PLPPR4: variants seen among roughly 807,000 people sequenced by gnomAD.
PLPPR4 encodes phospholipid phosphatase related 4, also known as phospholipid phosphatase-related protein type 4.
PLPPR4 carries 24 observed loss-of-function variants against 56.6 expected under a neutral mutation model. The ratio of observed to expected loss-of-function variants is 0.42; its 90% CI spans 0.31 to 0.60. The LOEUF (loss-of-function observed/expected upper bound fraction) is 0.60, where lower values mean the gene tolerates loss of function less well. Among genes scored for constraint, PLPPR4 ranks in the 20% least tolerant of loss-of-function variants. The pLI, the probability that PLPPR4 is intolerant of heterozygous loss-of-function variation, is 0.13. For synonymous variants in PLPPR4, 326 were observed against 328.1 expected (o/e 0.99, Z 0.07); for missense variants, 654 against 885.8 (o/e 0.74, Z 3.32).
At chr1:99,273,657 A>C (rs1659112276) in intron 1 of PLPPR4, among the ~76,000 whole-genome samples, 1 of 152,106 alleles carries the variant, frequency 6.6e-6, no homozygotes, top group Admixed American at 6.6e-5. Flanking sequence ...CAATTTATTT[A>C]TGTGTTGAAT....
intron 3 of PLPPR4, 34 bp downstream of exon 3, chr1:99,296,901 T>G: frequency 9.8e-7 from 1 of 1,020,984 alleles, no homozygotes; most frequent in South Asian, 2.2e-5. Context: ...AAAGAAATGC[T>G]TTTTTTTTTA....
At chr1:99,282,963 T>C (rs1489202129) in intron 1 of PLPPR4, among the ~76,000 whole-genome samples, 1 of 147,568 alleles carries the variant, frequency 6.8e-6, no homozygotes, top group Non-Finnish European at 1.5e-5. Flanking sequence ...TTATATATTA[T>C]ATATGTGCAA....
chr1:99,277,236 T>C (rs927305581), intron 1 of PLPPR4, among the ~76,000 whole-genome samples: 1 of 152,202 alleles, frequency 6.6e-6, no homozygotes, highest in African/African-American at 2.4e-5. Context: ...CATCACTTGT[T>C]ACAGTTCTTT....
chr1:99,276,044 G>C (rs1369148751), intron 1 of PLPPR4, among the ~76,000 whole-genome samples: 3 of 152,132 alleles, frequency 2.0e-5, no homozygotes, highest in African/African-American at 7.2e-5. Context: ...AAATAAAATA[G>C]AAGTTATTAA....
At chr1:99,268,244 G>A (rs1379606888) in intron 1 of PLPPR4, among the ~76,000 whole-genome samples, 1 of 152,228 alleles carries the variant, frequency 6.6e-6, no homozygotes, top group East Asian at 1.9e-4. Flanking sequence ...AGCTTCCTCA[G>A]CTCAGTTCCT....
At chr1:99,275,958 C>A (rs1659175726) in intron 1 of PLPPR4, among the ~76,000 whole-genome samples, 1 of 152,136 alleles carries the variant, frequency 6.6e-6, no homozygotes, top group South Asian at 2.1e-4. Context: ...ATCACAAGGA[C>A]TGACGTTTTC....
rs1660086711 is a variant in PLPPR4, at chr1:99,308,074, C to T, written c.*1064C>T. 2.0e-5 allele frequency: 3 copies of T among 152,158 alleles called. No individual in the cohort carries two copies. The highest frequency in any genetic ancestry group is 6.5e-5 in the Admixed American group (1 of 15,274). 9.4% of individuals were successfully genotyped at this position (152,158 alleles called of 1,614,324 possible). On this transcript the variant is annotated 3_prime_UTR_variant, in exon 7 of 7. Coordinates refer to ENST00000370185, the MANE Select transcript of PLPPR4 (RefSeq NM_014839.5). Reference sequence around the variant, plus strand: ...GTTGGTCAAGTTTGCCCTTAGATGTCTACAACTAGCTGGCATAGGTTGCCA... The same window carrying T: ...GTTGGTCAAGTTTGCCCTTAGATGTTTACAACTAGCTGGCATAGGTTGCCA...
chr1:99,296,686 C>T (rs1659749766), intron 2 of PLPPR4, 52 bp from the exon 3 acceptor site: 5 of 1,459,548 alleles, frequency 3.4e-6, no homozygotes, highest in Admixed American at 4.0e-5. Flanking sequence ...TACCTGTTGG[C>T]TTAATAGGTA....
At chr1:99,273,558 C>A (rs1388582284) in intron 1 of PLPPR4, among the ~76,000 whole-genome samples, 1 of 151,960 alleles carries the variant, frequency 6.6e-6, no homozygotes, top group Non-Finnish European at 1.5e-5. Context: ...TGGATAGAGT[C>A]CAAAAGAGAC....
chr1:99,291,819 T>C (rs1659627820), intron 2 of PLPPR4, among the ~76,000 whole-genome samples: 1 of 152,026 alleles, frequency 6.6e-6, no homozygotes, highest in South Asian at 2.1e-4. Flanking sequence ...AAGTAACTAA[T>C]GGATATGGGG....
At chr1:99,276,525 G>A (rs1659189454) in intron 1 of PLPPR4, among the ~76,000 whole-genome samples, 2 of 151,974 alleles carry the variant, frequency 1.3e-5, no homozygotes, top group Admixed American at 6.6e-5. Context: ...TGTATATAAT[G>A]TTAAGATTAT....
Position 99,287,973 on chromosome 1 carries a change from A to T in PLPPR4, c.87A>T (p.Ile29=), listed in dbSNP as rs1220354576. The change falls in exon 2 of 7, where the codon ATA becomes ATT. Residue 29 remains isoleucine, a synonymous_variant. Transcript: ENST00000370185. ...LPCFYFVELP[I]LASSVVSLYF... Reference sequence around the variant, plus strand: ...TTGTCCTTCATTCTTAGTTGCCTATATTGGCATCATCGGTGGTTAGCCTCT... The same window carrying T: ...TTGTCCTTCATTCTTAGTTGCCTATTTTGGCATCATCGGTGGTTAGCCTCT... The T allele has an allele frequency of 1.2e-6, 2 of 1,613,068 alleles. No individual in the cohort carries two copies. Among genetic ancestry groups the T allele is most frequent in the Admixed American group, 3.3e-5 (2 of 59,938 alleles).
At chr1:99,290,248 G>A (rs1250248606) in intron 2 of PLPPR4, among the ~76,000 whole-genome samples, 1 of 151,912 alleles carries the variant, frequency 6.6e-6, no homozygotes, top group African/African-American at 2.4e-5. Context: ...AAGTGAAAGA[G>A]CTCTGCAAGG....
chr1:99,289,735 A>T (rs887434170), intron 2 of PLPPR4, among the ~76,000 whole-genome samples: 5 of 152,142 alleles, frequency 3.3e-5, no homozygotes, highest in Non-Finnish European at 1.5e-5. Flanking sequence ...GTTTTCAATA[A>T]AATTTGACAT....
rs1308749531 is a variant in PLPPR4, at chr1:99,264,624, G to C, written c.31G>C (p.Val11Leu). The change falls in exon 1 of 7, where the codon GTG (valine) becomes CTG (leucine). Residue 11 changes from valine (V) to leucine (L), a missense_variant. Coordinates refer to ENST00000370185, the MANE Select transcript of PLPPR4 (RefSeq NM_014839.5). The part of the protein sequence containing the change: MSAKERPKGK[V>L]IKDSVTLLPC... ...GGCGAAGGAGAGGCCAAAGGGCAAA[G>C]TGATCAAGGACAGCGTCACCCTCCT... 13 of 1,550,754 alleles carry C rather than the reference G, an allele frequency of 8.4e-6. No individual in the cohort carries two copies. Among genetic ancestry groups the C allele is most frequent in the Non-Finnish European group, 1.0e-5 (12 of 1,147,002 alleles).
upstream of PLPPR4, chr1:99,264,182 A>G (rs1658829859): frequency 2.0e-6 from 1 of 503,348 alleles, no homozygotes; most frequent in Admixed American, 3.8e-5. Flanking sequence ...CAGCCTAACT[A>G]CTGCAGAAAC....
chr1:99,302,509 TTTATTA>T lies in PLPPR4; in HGVS notation c.822+629_822+634del, dbSNP rs35590074. Among the ~76,000 whole-genome samples the T allele has an allele frequency of 8.0e-5, 12 of 149,518 alleles. 1 individual carries two copies. The highest frequency in any genetic ancestry group is 4.7e-4 in the Admixed American group (7 of 14,980). On this transcript the variant is annotated intron_variant, in intron 6 of 6. Transcript: ENST00000370185. ...CTGAGAAATGAGATGTATTCTTTTTTTTATTATTATTATTATTATTATACTTTAAGT... is the reference window on the plus strand; with the variant it reads ...CTGAGAAATGAGATGTATTCTTTTTTTTATTATTATTATTATACTTTAAGT...
At position 99,272,740 on chromosome 1, in the gene PLPPR4, G is replaced by T. The variant is rs191758999; in HGVS notation, c.78+8069G>T. Among the ~76,000 whole-genome samples the T allele has an allele frequency of 2.3e-3, 347 of 152,164 alleles. 2 individuals are homozygous for T. The highest frequency in any genetic ancestry group is 2.8e-3 in the Non-Finnish European group (187 of 67,978). ...AGAGAGTACAGGGAAGTATAAACAT[G>T]GGAAGCAGTAAGAATATAATTTATG... is the stretch of plus-strand genomic sequence containing the variant. On this transcript the variant is annotated intron_variant, in intron 1 of 6. Transcript: ENST00000370185.
chr1:99,306,591 G>A lies in PLPPR4; in HGVS notation c.1729G>A (p.Ala577Thr). ...GCCCAGTGGGATAGTGAGGGTTGAGGCTCACCCAGAGAACAACAGGCCCAT... is the reference window on the plus strand; with the variant it reads ...GCCCAGTGGGATAGTGAGGGTTGAGACTCACCCAGAGAACAACAGGCCCAT... Reference protein sequence around the residue: ...HEPSGIVRVEAHPENNRPIIQ... With the variant: ...HEPSGIVRVETHPENNRPIIQ... The change falls in exon 7 of 7, where the codon GCT (alanine) becomes ACT (threonine). Residue 577 changes from alanine to threonine, a missense_variant. Physicochemically the swap from Ala to Thr is moderately conservative, Grantham distance 58. Around this residue, in one of 2 missense-constraint regions of PLPPR4, gnomAD observed 468 missense variants for 554.3 expected, o/e 0.84. Transcript: ENST00000370185. This position sits in a 1 kb window ranked among gnomAD's most constrained non-coding sequence, Gnocchi z 4.0. 4 of 1,614,092 alleles carry A rather than the reference G, an allele frequency of 2.5e-6. No homozygotes were observed. The highest frequency in any genetic ancestry group is 3.4e-6 in the Non-Finnish European group (4 of 1,180,016).
Sources: gnomAD v4.1 joint callset for allele counts (sites outside exome capture counted in the v4.1 genomes callset) on GRCh38, gnomAD v4.1.1 for gene constraint, gnomAD v4.1.1 regional missense constraint, Gnocchi (gnomAD v3.1) non-coding constraint, MANE v1.5 for transcripts, NCBI Gene and HGNC (gene_info 2026-07-23, HGNC 2026-07-21) for gene names.